The following GAREM1 variants were observed in gnomAD, a reference collection of about 807,000 sequenced individuals.
GAREM1 encodes the protein GRB2-associated and regulator of MAPK protein 1.
A neutral mutation model predicts 71.3 loss-of-function variants in GAREM1; 26 were observed. The ratio of observed to expected loss-of-function variants is 0.36; its 90% CI spans 0.27 to 0.51. The LOEUF (loss-of-function observed/expected upper bound fraction) is 0.51. Ranked by LOEUF, GAREM1 falls within the 20% of genes least tolerant of loss-of-function variation. GAREM1 has a pLI of 0.95. For missense variants in GAREM1, 1,026 were observed against 1,103.1 expected, an observed-to-expected ratio of 0.93 and a Z score of 0.99; for synonymous variants, 440 against 433.2, an observed-to-expected ratio of 1.02 and a Z score of -0.20.
At chr18:32,377,855 G>C (rs919046676) in intron 2 of GAREM1, among the ~76,000 whole-genome samples, 1 of 152,190 alleles carries the variant, frequency 6.6e-6, no homozygotes, top group African/African-American at 2.4e-5. Context: ...GAGCCACCGG[G>C]CCTGGCCAGA....
chr18:32,376,698 C>T (rs568287880), intron 2 of GAREM1, among the ~76,000 whole-genome samples: 8 of 152,190 alleles, frequency 5.3e-5, no homozygotes, highest in South Asian at 2.1e-4. Context: ...ATTAGCCAGG[C>T]GTGGTGGCAC....
chr18:32,333,290 T>A (rs1236297005), intron 2 of GAREM1, among the ~76,000 whole-genome samples: 1 of 151,652 alleles, frequency 6.6e-6, no homozygotes, highest in African/African-American at 2.4e-5. Flanking sequence ...GTCAACATAG[T>A]GGATGGACCA....
At chr18:32,382,732 G>C (rs900084943) in intron 2 of GAREM1, among the ~76,000 whole-genome samples, 1 of 152,096 alleles carries the variant, frequency 6.6e-6, no homozygotes, top group African/African-American at 2.4e-5. Context: ...TAGAGCAAGG[G>C]AGACACAGTC....
intron 1 of GAREM1, among the ~76,000 whole-genome samples, chr18:32,402,643 A>G (rs550209637): frequency 1.1e-4 from 16 of 152,156 alleles, no homozygotes; most frequent in African/African-American, 3.9e-4. Context: ...TCTCCTCTAC[A>G]ATCTTATATA....
At chr18:32,391,338 G>A (rs1320507085) in intron 2 of GAREM1, among the ~76,000 whole-genome samples, 1 of 152,160 alleles carries the variant, frequency 6.6e-6, no homozygotes, top group Non-Finnish European at 1.5e-5. Flanking sequence ...CCTCTGGAAA[G>A]CATTCAACAA....
At chr18:32,467,059 T>C (rs1227592194) in intron 1 of GAREM1, among the ~76,000 whole-genome samples, 2 of 152,218 alleles carry the variant, frequency 1.3e-5, no homozygotes, top group African/African-American at 2.4e-5. Context: ...GTTCTTTATA[T>C]ATTGTGTAGT....
At chr18:32,347,823 T>C (rs937359605) in intron 2 of GAREM1, among the ~76,000 whole-genome samples, 2 of 152,202 alleles carry the variant, frequency 1.3e-5, no homozygotes, top group African/African-American at 2.4e-5. Flanking sequence ...TGTGGCTTAG[T>C]AGACCATCTT....
At chr18:32,314,652 G>A (rs1353502468) in intron 2 of GAREM1, among the ~76,000 whole-genome samples, 1 of 151,106 alleles carries the variant, frequency 6.6e-6, no homozygotes, top group South Asian at 2.1e-4. Context: ...GCAATGCTGC[G>A]ATCTCAGCTC....
At chr18:32,430,155 G>C (rs1291032996) in intron 1 of GAREM1, among the ~76,000 whole-genome samples, 1 of 152,188 alleles carries the variant, frequency 6.6e-6, no homozygotes, top group African/African-American at 2.4e-5. Flanking sequence ...GTCAGACCCA[G>C]ACAACAGACC....
Position 32,470,378 on chromosome 18 carries a change from G to A in GAREM1, c.51C>T (p.Ser17=), listed in dbSNP as rs759994776. The change falls in exon 1 of 6, where the codon AGC becomes AGT. Residue 17 remains serine (S), a synonymous_variant. Transcript: ENST00000269209. This position sits in a 1 kb window ranked among gnomAD's most constrained non-coding sequence, Gnocchi z 4.4. ...LGCSLKDVKW[S]SVAVPLDLLV... The stretch of plus-strand genomic sequence containing the variant: ...GGAGGTCGAGCGGCACGGCCACCGA[G>A]CTCCACTTCACATCCTTGAGGCTGC... 8 of 1,559,072 alleles carry A rather than the reference G, an allele frequency of 5.1e-6. No homozygotes were observed. The highest frequency in any genetic ancestry group is 1.8e-5 in the Admixed American group (1 of 54,762).
chr18:32,266,943 A>G lies in GAREM1; in HGVS notation c.*928T>C, dbSNP rs569024579. 1.3e-5 allele frequency: 2 copies of G among 152,286 alleles called. No homozygotes were observed. The highest frequency in any genetic ancestry group is 2.4e-5 in the African/African-American group (1 of 41,544). 9.4% of individuals were successfully genotyped at this position (152,286 alleles called of 1,614,324 possible). A position where few individuals can be genotyped will look rare whatever the true frequency, so the allele number is the denominator to read the frequency against. On this transcript the variant is annotated 3_prime_UTR_variant, in exon 6 of 6. Transcript: ENST00000269209. ...GCTTAAACTCAAACTTAATTCTTCA[A>G]TACAGGATTCTTTACTGATTTGTTC...
At chr18:32,411,491 TTC>T (rs1266856464) in intron 1 of GAREM1, among the ~76,000 whole-genome samples, 14 of 152,236 alleles carry the variant, frequency 9.2e-5, no homozygotes, top group South Asian at 2.1e-4. Context: ...AGAAAAATAT[TTC>T]TTTTTTTTTT....
intron 1 of GAREM1, among the ~76,000 whole-genome samples, chr18:32,438,225 C>T (rs969694343): frequency 3.3e-5 from 5 of 152,126 alleles, no homozygotes; most frequent in African/African-American, 1.2e-4. Context: ...AAAAATAAAC[C>T]GGATTTATCT....
intron 2 of GAREM1, among the ~76,000 whole-genome samples, chr18:32,332,476 G>T (rs1419335199): frequency 6.6e-6 from 1 of 152,132 alleles, no homozygotes; most frequent in East Asian, 1.9e-4. Flanking sequence ...CGGAAGGGTG[G>T]CATGCAGAAG....
At chr18:32,438,926 T>A (rs1418758557) in intron 1 of GAREM1, among the ~76,000 whole-genome samples, 1 of 152,122 alleles carries the variant, frequency 6.6e-6, no homozygotes, top group Non-Finnish European at 1.5e-5. Flanking sequence ...GTAGCACAGC[T>A]TTCATTCCTA....
At chr18:32,377,788 C>T (rs1325382206) in intron 2 of GAREM1, among the ~76,000 whole-genome samples, 1 of 152,152 alleles carries the variant, frequency 6.6e-6, no homozygotes, top group Non-Finnish European at 1.5e-5. Context: ...TGGTCTTGAT[C>T]CCCTGACCTC....
chr18:32,386,920 T>C (rs1423275689), intron 2 of GAREM1, among the ~76,000 whole-genome samples: 1 of 152,144 alleles, frequency 6.6e-6, no homozygotes, highest in Non-Finnish European at 1.5e-5. Flanking sequence ...TTTTCTACAG[T>C]AGATCTCCAT....
intron 2 of GAREM1, among the ~76,000 whole-genome samples, chr18:32,330,148 C>T (rs58948194): frequency 0.035 from 5,259 of 152,172 alleles, 294 homozygotes; most frequent in African/African-American, 0.12. Context: ...AAATGTGGTA[C>T]ATATATACCA....
At chr18:32,385,147 T>C (rs1412743270) in intron 2 of GAREM1, among the ~76,000 whole-genome samples, 2 of 152,032 alleles carry the variant, frequency 1.3e-5, no homozygotes, top group Non-Finnish European at 2.9e-5. Flanking sequence ...ACTGGAGAGC[T>C]GATTTCACTC....
Sources: gnomAD v4.1 joint callset for allele counts (sites outside exome capture counted in the v4.1 genomes callset) on GRCh38, gnomAD v4.1.1 for gene constraint, Gnocchi (gnomAD v3.1) non-coding constraint, MANE v1.5 for transcripts, NCBI Gene and HGNC (gene_info 2026-07-23, HGNC 2026-07-21) for gene names.